Variants in RANBP3 observed in about 807,000 individuals in gnomAD.
RANBP3 encodes RAN binding protein 3.
Under a neutral mutation model 77.3 loss-of-function variants are expected in RANBP3, and 14 were observed. The ratio of observed to expected loss-of-function variants is 0.18; its 90% CI spans 0.12 to 0.28. RANBP3 has a LOEUF of 0.28. Among genes scored for constraint, RANBP3 ranks in the 10% least tolerant of loss-of-function variants. RANBP3 has a pLI of 1.00. For missense variants in RANBP3, 586 were observed against 752.3 expected (o/e 0.78, Z 2.59); for synonymous variants, 315 against 312.4 (o/e 1.01, Z -0.09).
Position 5,917,513 on chromosome 19 carries a change from G to C in RANBP3, c.*97C>G, listed in dbSNP as rs1389377686. On this transcript the variant is annotated 3_prime_UTR_variant, in exon 17 of 17. Coordinates refer to ENST00000340578, the MANE Select transcript of RANBP3 (RefSeq NM_007322.3). ...CGGCCCAGTGGGGTGTGTGGTTCCC[G>C]GCCCCGCACCTGGACGCTGCCGGTG... The C allele has an allele frequency of 2.2e-6, 3 of 1,389,884 alleles. No homozygotes were observed. The highest frequency in any genetic ancestry group is 2.9e-6 in the Non-Finnish European group (3 of 1,038,440). 86.1% of individuals were successfully genotyped at this position (1,389,884 alleles called of 1,614,324 possible). A position where few individuals can be genotyped will look rare whatever the true frequency, so the allele number is the denominator to read the frequency against.
intron 1 of RANBP3, among the ~76,000 whole-genome samples, chr19:5,963,361 G>A (rs1209495020): frequency 6.6e-6 from 1 of 152,152 alleles, no homozygotes; most frequent in Non-Finnish European, 1.5e-5. Flanking sequence ...AGACCTGTCT[G>A]GGCAACATAA....
At chr19:5,933,530 G>A in intron 5 of RANBP3, 51 bp from the exon 6 acceptor site, 2 of 1,522,874 alleles carry the variant, frequency 1.3e-6, no homozygotes, top group Middle Eastern at 1.7e-4. Context: ...GGCTGGGGCT[G>A]GGCCTGGGGG....
rs1193709994 is a variant in RANBP3 at position 5,975,563 on chromosome 19, C to T, written c.22+2498G>A. On this transcript the variant is annotated intron_variant, in intron 1 of 16. Coordinates refer to ENST00000340578, the MANE Select transcript of RANBP3 (RefSeq NM_007322.3). Reference sequence around the variant, plus strand: ...TGTGTACCTACTCTGTGCCAGGCACCGTTCTAGATGCAAGGGGGCAATCAG... The same window carrying T: ...TGTGTACCTACTCTGTGCCAGGCACTGTTCTAGATGCAAGGGGGCAATCAG... 3.3e-5 allele frequency among the ~76,000 whole-genome samples: 5 copies of T among 150,676 alleles called. No homozygotes were observed. The South Asian group carries it at 8.4e-4, about 25-fold the overall frequency.
In RANBP3 at chr19:5,924,729, T is replaced by G; in HGVS notation, c.996+98A>C. ...CTACTGAAGGCATCCCCATCTCACA[T>G]AGGACGACACAGCAGCCCTGCTCTC... is the stretch of plus-strand genomic sequence containing the variant. On this transcript the variant is annotated intron_variant, in intron 11 of 16. Transcript: ENST00000340578. The surrounding 1 kb of genome is among the most constrained non-coding windows in gnomAD (Gnocchi z 4.7). The G allele has an allele frequency of 8.0e-7, 1 of 1,243,632 alleles. No homozygotes were observed. The highest frequency in any genetic ancestry group is 2.3e-5 in the East Asian group (1 of 43,116). The allele number at this position is 1,243,632 out of a possible 1,614,324, so 77.0% of individuals were successfully genotyped here.
Position 5,928,032 on chromosome 19 carries a change from TCACAGG to T in RANBP3, c.743_748del (p.Ala248_Cys249del), listed in dbSNP as rs955713906. The T allele has an allele frequency of 1.2e-6, 2 of 1,613,890 alleles. No individual in the cohort carries two copies. The highest frequency in any genetic ancestry group is 2.7e-5 in the African/African-American group (2 of 74,916). Reference sequence around the variant, plus strand: ...TTGCTGTGTGGCGGGGTCTTTTTTCTCACAGGCTTCCTCTTCAGAGGCATTGCTGGA... The same window carrying T: ...TTGCTGTGTGGCGGGGTCTTTTTTCTCTTCCTCTTCAGAGGCATTGCTGGA... On this transcript the variant is annotated inframe_deletion, in exon 9 of 17. Coordinates refer to ENST00000340578, the MANE Select transcript of RANBP3 (RefSeq NM_007322.3).
At chr19:5,953,532 C>T (rs779266842) in intron 2 of RANBP3, among the ~76,000 whole-genome samples, 2 of 152,146 alleles carry the variant, frequency 1.3e-5, no homozygotes, top group Non-Finnish European at 2.9e-5. Context: ...ACCAAATGGC[C>T]ATTATTCTGC....
Position 5,951,616 on chromosome 19 carries a change from T to C in RANBP3, c.79-20A>G, listed in dbSNP as rs746559303. On this transcript the variant is annotated intron_variant, in intron 2 of 16. Transcript: ENST00000340578. ...AGGGGACTGGGAGCAAAAAAGACAA[T>C]TTTCCTTCAATGTGAATAAAGGCTG... The C allele has an allele frequency of 2.1e-5, 33 of 1,604,588 alleles. No individual in the cohort carries two copies. Among genetic ancestry groups the C allele is most frequent in the Non-Finnish European group, 2.6e-5 (30 of 1,174,954 alleles).
intron 15 of RANBP3, 48 bp from the exon 16 acceptor site, chr19:5,918,028 CT>C (rs759086678): frequency 1.3e-6 from 2 of 1,519,674 alleles, no homozygotes; most frequent in East Asian, 4.6e-5. Context: ...GTCCTACCCC[CT>C]CCTGCCTTCT....
At chr19:5,927,879 CCT>C (rs1181529700) in intron 9 of RANBP3, 87 bp downstream of exon 9, 44 of 1,504,084 alleles carry the variant, frequency 2.9e-5, no homozygotes, top group Middle Eastern at 3.6e-4. Context: ...GCTCCCCTCC[CCT>C]GTTAAAAGGA....
At chr19:5,964,693 G>A (rs1161800655) in intron 1 of RANBP3, among the ~76,000 whole-genome samples, 1 of 152,196 alleles carries the variant, frequency 6.6e-6, no homozygotes, top group East Asian at 1.9e-4. Context: ...CCACATGACC[G>A]GGAAGCACAC....
At chr19:5,933,095 T>G in intron 6 of RANBP3, 1 of 358,488 alleles carries the variant, frequency 2.8e-6, no homozygotes, top group South Asian at 4.1e-5. Flanking sequence ...CTGTGGTATG[T>G]GGGGGCCAGA....
Position 5,917,793 on chromosome 19 carries a change from C to A in RANBP3, c.1660+1G>T. 1.2e-6 allele frequency: 2 copies of A among 1,606,720 alleles called. No homozygotes were observed. Among genetic ancestry groups the A allele is most frequent in the Non-Finnish European group, 1.7e-6 (2 of 1,176,404 alleles). ...CCCAGGGTAGGGACCACCCGACTCACCAGCTGCGGTGGCCCCTGAAGGAGC... is the reference window on the plus strand; with the variant it reads ...CCCAGGGTAGGGACCACCCGACTCAACAGCTGCGGTGGCCCCTGAAGGAGC... On this transcript the variant is annotated splice_donor_variant, in intron 16 of 16. Coordinates refer to ENST00000340578, the MANE Select transcript of RANBP3 (RefSeq NM_007322.3). LOFTEE classifies it high-confidence loss of function.
chr19:5,943,589 C>T (rs749009435), intron 3 of RANBP3, among the ~76,000 whole-genome samples: 1 of 152,184 alleles, frequency 6.6e-6, no homozygotes, highest in Non-Finnish European at 1.5e-5. Flanking sequence ...AGCTCGTTCA[C>T]GACGGTCAGA....
chr19:5,948,520 T>G (rs1429693658), intron 3 of RANBP3, among the ~76,000 whole-genome samples: 3 of 151,072 alleles, frequency 2.0e-5, no homozygotes, highest in Non-Finnish European at 4.4e-5. Flanking sequence ...AGGGCCTCAG[T>G]GAGTCTGGCA....
chr19:5,926,273 G>A (rs191392986), intron 9 of RANBP3, among the ~76,000 whole-genome samples: 1 of 152,166 alleles, frequency 6.6e-6, no homozygotes, highest in East Asian at 1.9e-4. Flanking sequence ...CTGGCTGGGC[G>A]CGGTGGCTCG....
intron 2 of RANBP3, among the ~76,000 whole-genome samples, chr19:5,954,506 G>A (rs146098245): frequency 2.0e-5 from 3 of 152,122 alleles, no homozygotes; most frequent in Admixed American, 6.5e-5. Context: ...CTTAACTTCC[G>A]GTATGAGAGG....
chr19:5,921,168 A>T lies in RANBP3; in HGVS notation c.1330+33T>A. ...ATAGTCCCCAGCCCTCCCCATGGGG[A>T]CCCGGCCACAGCCCCCGCCGTCGGC... is the stretch of plus-strand genomic sequence containing the variant. On this transcript the variant is annotated intron_variant, in intron 14 of 16. Transcript: ENST00000340578. The surrounding 1 kb of genome is among the most constrained non-coding windows in gnomAD (Gnocchi z 5.3). 6.3e-7 allele frequency: 1 copy of T among 1,596,610 alleles called. No homozygotes were observed.
chr19:5,977,980 C>T, intron 1 of RANBP3, 81 bp downstream of exon 1: 11 of 1,558,114 alleles, frequency 7.1e-6, no homozygotes, highest in Non-Finnish European at 9.6e-6. Context: ...CTGCGGTGCT[C>T]CCCCCAAGGG....
At chr19:5,929,787 G>GA (rs2057963860) in intron 8 of RANBP3, among the ~76,000 whole-genome samples, 1 of 152,232 alleles carries the variant, frequency 6.6e-6, no homozygotes, top group Non-Finnish European at 1.5e-5. Context: ...TACACACAGC[G>GA]AGCCTGGCGA....
Sources: allele counts gnomAD v4.1 joint callset (sites outside exome capture counted in the v4.1 genomes callset), GRCh38; gene constraint gnomAD v4.1.1; non-coding constraint Gnocchi (gnomAD v3.1); transcripts MANE v1.5; gene names NCBI Gene and HGNC (gene_info 2026-07-23, HGNC 2026-07-21).